Variants in PCDHA7 observed in about 807,000 individuals in gnomAD.
The protein encoded by PCDHA7 is protocadherin alpha-7.
A neutral mutation model predicts 57.2 loss-of-function variants in PCDHA7; 37 were observed. The ratio of observed to expected loss-of-function variants is 0.65; its 90% CI spans 0.50 to 0.85. The LOEUF is 0.85. Among genes scored for constraint, PCDHA7 ranks in the 40% least tolerant of loss-of-function variants. The pLI, the probability that PCDHA7 is intolerant of heterozygous loss-of-function variation, is 0.00. For synonymous variants in PCDHA7, 553 were observed against 558.8 expected (o/e 0.99, Z 0.15); for missense variants, 1,188 against 1,241.8 (o/e 0.96, Z 0.65).
chr5:141,005,701 C>CAAAAAAA (rs59860837), intron 3 of PCDHA7, among the ~76,000 whole-genome samples: 5 of 7,784 alleles, frequency 6.4e-4, no homozygotes, highest in African/African-American at 9.3e-4. Context: ...AACTCCGTCT[C>CAAAAAAA]AAAAAAAAAA....
At position 140,979,295 on chromosome 5, in the gene PCDHA7, C is replaced by A. The variant is rs180999093; in HGVS notation, c.2414+288C>A. Among the ~76,000 whole-genome samples, 27 of 152,270 alleles carry A rather than the reference C, an allele frequency of 1.8e-4. 1 individual carries two copies. The highest frequency in any genetic ancestry group is 4.1e-4 in the African/African-American group (17 of 41,558). ...TTCTACAGGGAAGTAATTTCAACCT[C>A]CTTCATCCCTCTCTACCTATGCTTT... On this transcript the variant is annotated intron_variant, in intron 2 of 3. Coordinates refer to ENST00000525929, the MANE Select transcript of PCDHA7 (RefSeq NM_018910.3).
intron 1 of PCDHA7, among the ~76,000 whole-genome samples, chr5:140,906,631 C>A (rs919514401): frequency 6.6e-6 from 1 of 152,238 alleles, no homozygotes; most frequent in East Asian, 1.9e-4. Context: ...TCAGCAAGCA[C>A]CTCAGCAGGT....
At chr5:140,964,482 G>A (rs1554227054) in intron 1 of PCDHA7, among the ~76,000 whole-genome samples, 1 of 152,144 alleles carries the variant, frequency 6.6e-6, no homozygotes, top group African/African-American at 2.4e-5. Flanking sequence ...TTTTTTCACA[G>A]TCACAGGTCT....
chr5:140,859,450 G>T, intron 1 of PCDHA7: 1 of 220,914 alleles, frequency 4.5e-6, no homozygotes, highest in Non-Finnish European at 8.7e-6. Context: ...TAGTTGCAGA[G>T]TGACAAAACT....
At chr5:140,858,263 T>A (rs781901851) in intron 1 of PCDHA7, 1 of 1,596,360 alleles carries the variant, frequency 6.3e-7, no homozygotes, top group Non-Finnish European at 8.6e-7. Flanking sequence ...CACGCTGGTG[T>A]GCTCTAGCGC....
At chr5:140,841,890 A>G in intron 1 of PCDHA7, 1 of 1,613,830 alleles carries the variant, frequency 6.2e-7, no homozygotes, top group Non-Finnish European at 8.5e-7. Flanking sequence ...GATGAGAATA[A>G]ACTGGTTGAG....
intron 1 of PCDHA7, chr5:140,883,878 C>T: frequency 1.9e-6 from 3 of 1,613,260 alleles, no homozygotes; most frequent in Middle Eastern, 1.7e-4. Context: ...CAGGTGAGCG[C>T]GCGCGACTCT....
At chr5:140,998,472 A>G (rs1212895520) in intron 3 of PCDHA7, among the ~76,000 whole-genome samples, 1 of 151,938 alleles carries the variant, frequency 6.6e-6, no homozygotes, top group Non-Finnish European at 1.5e-5. Context: ...TTTTCCTCCC[A>G]CTGTGCTGTA....
chr5:140,878,658 G>T (rs139171755), intron 1 of PCDHA7, among the ~76,000 whole-genome samples: 120 of 152,200 alleles, frequency 7.9e-4, no homozygotes, highest in African/African-American at 2.7e-3. Flanking sequence ...ATATCCAGAG[G>T]CTTCTCTTTA....
intron 1 of PCDHA7, chr5:140,876,038 G>C: frequency 6.2e-7 from 1 of 1,613,822 alleles, no homozygotes; most frequent in East Asian, 2.2e-5. Flanking sequence ...AAAGATAAAA[G>C]TATATTGCCT....
intron 1 of PCDHA7, chr5:140,966,502 G>GGCAGCA (rs2096011406): frequency 6.9e-6 from 3 of 433,776 alleles, no homozygotes; most frequent in Non-Finnish European, 1.2e-5. Context: ...GAGCTGTAGC[G>GGCAGCA]GCAGCAGCAG....
At position 140,837,344 on chromosome 5, in the gene PCDHA7, A is replaced by C. The variant is rs138416097; in HGVS notation, c.2355+606A>C. ...GAAGAATTAATATGAACAATTTAAAATAGTTTAAATGGCAGTTTAATAGTA... is the reference window on the plus strand; with the variant it reads ...GAAGAATTAATATGAACAATTTAAACTAGTTTAAATGGCAGTTTAATAGTA... On this transcript the variant is annotated intron_variant, in intron 1 of 3. Transcript: ENST00000525929. Among the ~76,000 whole-genome samples, 56 of 152,138 alleles carry C rather than the reference A, an allele frequency of 3.7e-4. No individual in the cohort carries two copies. In the East Asian group the frequency reaches 0.01, roughly 28 times the overall value.
At chr5:140,914,962 T>C (rs1301307235) in intron 1 of PCDHA7, among the ~76,000 whole-genome samples, 2 of 136,964 alleles carry the variant, frequency 1.5e-5, no homozygotes, top group Non-Finnish European at 3.2e-5. Flanking sequence ...TTTTTTTTTT[T>C]CTGAGTCAGA....
At chr5:140,985,670 G>A (rs1554247237) in intron 3 of PCDHA7, among the ~76,000 whole-genome samples, 1 of 152,024 alleles carries the variant, frequency 6.6e-6, no homozygotes, top group East Asian at 1.9e-4. Flanking sequence ...AAAGGAAGTG[G>A]GGCCTGCCTT....
Position 140,842,816 on chromosome 5 carries a change from G to T in PCDHA7, c.2355+6078G>T, listed in dbSNP as rs144864522. On this transcript the variant is annotated intron_variant, in intron 1 of 3. Coordinates refer to ENST00000525929, the MANE Select transcript of PCDHA7 (RefSeq NM_018910.3). Reference sequence around the variant, plus strand: ...GTCCTACTCGCTTGTGGAGCGGCGGGTGGGCGAGCGCTCGCTGTCGAGCTA... The same window carrying T: ...GTCCTACTCGCTTGTGGAGCGGCGGTTGGGCGAGCGCTCGCTGTCGAGCTA... 2.5e-5 allele frequency: 40 copies of T among 1,594,004 alleles called. 2 individuals are homozygous for T. The African/African-American group carries it at 4.0e-4, about 16-fold the overall frequency.
intron 1 of PCDHA7, chr5:140,869,085 G>C (rs1223648721): frequency 6.3e-7 from 1 of 1,583,562 alleles, no homozygotes; most frequent in Non-Finnish European, 8.6e-7. Flanking sequence ...GCTTATTTTG[G>C]AAGCCAATTT....
chr5:140,966,938 G>T, intron 1 of PCDHA7: 1 of 1,604,146 alleles, frequency 6.2e-7, no homozygotes, highest in African/African-American at 1.3e-5. Flanking sequence ...CGGCGCGCTC[G>T]TGGGCAACGT....
At chr5:140,924,903 AAATAAAAT>A (rs1318660055) in intron 1 of PCDHA7, among the ~76,000 whole-genome samples, 2 of 54,856 alleles carry the variant, frequency 3.6e-5, no homozygotes, top group African/African-American at 8.4e-5. Context: ...TCAAAAAAAA[AAATAAAAT>A]AAAATAAAAT....
In PCDHA7 at chr5:140,929,209, G is replaced by A. The variant is rs553616030; in HGVS notation, c.2356-49740G>A. Reference sequence around the variant, plus strand: ...TGATAATAACAGTTTGCTGTTGCGTGGGGAGTACAATGCTGCCGACCTGCG... The same window carrying A: ...TGATAATAACAGTTTGCTGTTGCGTAGGGAGTACAATGCTGCCGACCTGCG... On this transcript the variant is annotated intron_variant, in intron 1 of 3. Transcript: ENST00000525929. 71 of 1,614,054 alleles carry A rather than the reference G, an allele frequency of 4.4e-5. 2 individuals carry two copies. The South Asian group carries it at 7.1e-4, about 16-fold the overall frequency.
Sources: allele counts gnomAD v4.1 joint callset (sites outside exome capture counted in the v4.1 genomes callset), GRCh38; gene constraint gnomAD v4.1.1; transcripts MANE v1.5; gene names NCBI Gene and HGNC (gene_info 2026-07-23, HGNC 2026-07-21).